KCNIP4: variants seen among roughly 807,000 people sequenced by gnomAD.
KCNIP4 encodes the protein Kv channel-interacting protein 4.
Under a neutral mutation model 34.0 loss-of-function variants are expected in KCNIP4, and 12 were observed. The observed-to-expected ratio is 0.35, with a 90% CI of 0.23 to 0.57. The LOEUF (loss-of-function observed/expected upper bound fraction) is 0.57. KCNIP4 is among the 20% of genes least tolerant of loss of function. KCNIP4 has a pLI of 0.83. For missense variants in KCNIP4, 238 were observed against 311.7 expected (o/e 0.76, Z 1.78); for synonymous variants, 124 against 102.2 (o/e 1.21, Z -1.29).
chr4:21,366,376 C>T (rs747144337), intron 1 of KCNIP4, among the ~76,000 whole-genome samples: 5 of 152,188 alleles, frequency 3.3e-5, no homozygotes, highest in South Asian at 4.1e-4. Flanking sequence ...ATTGCCTCTT[C>T]CTCATATGGA....
intron 1 of KCNIP4, among the ~76,000 whole-genome samples, chr4:21,360,917 C>G (rs1321261586): frequency 6.6e-6 from 1 of 152,032 alleles, no homozygotes; most frequent in Non-Finnish European, 1.5e-5. Flanking sequence ...GTTTCAAGTC[C>G]ACAAATCCAT....
At chr4:21,645,378 T>A (rs537368901) in intron 1 of KCNIP4, among the ~76,000 whole-genome samples, 3 of 152,296 alleles carry the variant, frequency 2.0e-5, no homozygotes, top group Admixed American at 2.0e-4. Context: ...TTAATGGAGT[T>A]TCCTTAATAA....
chr4:21,556,922 G>GAAAA (rs1253971751), intron 1 of KCNIP4, among the ~76,000 whole-genome samples: 6 of 70,838 alleles, frequency 8.5e-5, no homozygotes, highest in Non-Finnish European at 1.1e-4. Flanking sequence ...CTCCATCTCA[G>GAAAA]AAAAAAAAAA....
chr4:21,657,558 G>A (rs1322989176), intron 1 of KCNIP4, among the ~76,000 whole-genome samples: 1 of 152,160 alleles, frequency 6.6e-6, no homozygotes, highest in African/African-American at 2.4e-5. Flanking sequence ...TATTATAGTA[G>A]TTAGGATTAT....
At chr4:21,262,741 A>G (rs1277711795) in intron 1 of KCNIP4, among the ~76,000 whole-genome samples, 1 of 152,222 alleles carries the variant, frequency 6.6e-6, no homozygotes, top group African/African-American at 2.4e-5. Context: ...ACGCTAAGAG[A>G]CAACTCCAAC....
chr4:20,870,663 T>C (rs1173847781), intron 2 of KCNIP4, among the ~76,000 whole-genome samples: 1 of 152,160 alleles, frequency 6.6e-6, no homozygotes, highest in Non-Finnish European at 1.5e-5. Context: ...CCTTTTATAC[T>C]CTTCCTGTTT....
intron 3 of KCNIP4, among the ~76,000 whole-genome samples, chr4:20,843,803 T>A (rs965594941): frequency 9.2e-5 from 14 of 152,176 alleles, no homozygotes; most frequent in Admixed American, 3.3e-4. Flanking sequence ...TGCCACAGAA[T>A]ATATTAGATT....
At chr4:20,966,000 G>A (rs189891844) in intron 1 of KCNIP4, among the ~76,000 whole-genome samples, 83 of 152,240 alleles carry the variant, frequency 5.5e-4, no homozygotes, top group Non-Finnish European at 1.0e-3. Context: ...TTTCCTCTGT[G>A]TCTCCTTGAA....
At chr4:20,960,599 G>C (rs1478660530) in intron 1 of KCNIP4, among the ~76,000 whole-genome samples, 7 of 152,314 alleles carry the variant, frequency 4.6e-5, no homozygotes, top group South Asian at 4.1e-4. Flanking sequence ...GGAAATCTGT[G>C]CAAGGCAATC....
At chr4:21,263,633 A>G (rs1458715751) in intron 1 of KCNIP4, among the ~76,000 whole-genome samples, 2 of 152,142 alleles carry the variant, frequency 1.3e-5, no homozygotes, top group Non-Finnish European at 2.9e-5. Context: ...GACAACTTGT[A>G]TAACTCTAAA....
intron 1 of KCNIP4, among the ~76,000 whole-genome samples, chr4:20,965,969 T>G (rs1313929734): frequency 2.0e-5 from 3 of 152,210 alleles, no homozygotes; most frequent in African/African-American, 7.2e-5. Context: ...TCTGTTGTCA[T>G]GAAGAAATGC....
chr4:21,716,449 G>A (rs769814408), intron 1 of KCNIP4, among the ~76,000 whole-genome samples: 8 of 151,998 alleles, frequency 5.3e-5, no homozygotes, highest in South Asian at 4.2e-4. Flanking sequence ...TGTTGGCCAC[G>A]CTGGTCTCAA....
chr4:21,615,391 A>AG (rs1395487793), intron 1 of KCNIP4, among the ~76,000 whole-genome samples: 2 of 151,090 alleles, frequency 1.3e-5, no homozygotes, highest in African/African-American at 2.4e-5. Context: ...ATACAAAAAA[A>AG]AAAAAATTAG....
intron 1 of KCNIP4, among the ~76,000 whole-genome samples, chr4:21,214,978 A>G (rs1375497050): frequency 6.6e-6 from 1 of 152,204 alleles, no homozygotes; most frequent in African/African-American, 2.4e-5. Context: ...TATCAGGGAG[A>G]AGAATGCATA....
At chr4:21,567,611 A>T (rs1229383228) in intron 1 of KCNIP4, among the ~76,000 whole-genome samples, 1 of 152,214 alleles carries the variant, frequency 6.6e-6, no homozygotes, top group Non-Finnish European at 1.5e-5. Flanking sequence ...TTAACATGTC[A>T]TATAGCCAGC....
chr4:21,055,289 A>G (rs1341877350), intron 1 of KCNIP4, among the ~76,000 whole-genome samples: 2 of 152,216 alleles, frequency 1.3e-5, no homozygotes, highest in Non-Finnish European at 2.9e-5. Flanking sequence ...GAAGATGTGG[A>G]ACAACAGAAA....
chr4:21,119,724 T>G (rs1577725342), intron 1 of KCNIP4, among the ~76,000 whole-genome samples: 1 of 109,246 alleles, frequency 9.2e-6, no homozygotes, highest in Non-Finnish European at 2.2e-5. Context: ...AGTAAGACAG[T>G]TTTTTTTTTC....
intron 3 of KCNIP4, among the ~76,000 whole-genome samples, chr4:20,785,919 AC>A (rs1184287472): frequency 6.6e-6 from 1 of 152,142 alleles, no homozygotes; most frequent in Admixed American, 6.6e-5. Context: ...AAATAGAATT[AC>A]AATTTGACCC....
At chr4:21,728,129 T>A (rs1212857300) in intron 1 of KCNIP4, among the ~76,000 whole-genome samples, 5 of 152,086 alleles carry the variant, frequency 3.3e-5, no homozygotes, top group Admixed American at 1.3e-4. Context: ...AATGACAATT[T>A]CCAAATTTAA....
Sources: gnomAD v4.1 joint callset for allele counts (sites outside exome capture counted in the v4.1 genomes callset) on GRCh38, gnomAD v4.1.1 for gene constraint, MANE v1.5 for transcripts, NCBI Gene and HGNC (gene_info 2026-07-23, HGNC 2026-07-21) for gene names.